Variants in INTS1 observed in about 807,000 individuals in gnomAD.
INTS1 encodes the protein integrator complex subunit 1.
A neutral mutation model predicts 241.6 loss-of-function variants in INTS1; 137 were observed. The ratio of observed to expected loss-of-function variants is 0.57; its 90% CI spans 0.49 to 0.65. INTS1 has a LOEUF of 0.65. Among genes scored for constraint, INTS1 ranks in the 30% least tolerant of loss-of-function variants. The pLI, the probability that INTS1 is intolerant of heterozygous loss-of-function variation, is 0.00. For missense variants in INTS1, 3,073 were observed against 3,032.2 expected, an observed-to-expected ratio of 1.01 and a Z score of -0.32; for synonymous variants, 1,692 against 1,337.8, an observed-to-expected ratio of 1.26 and a Z score of -5.78.
In INTS1 at chr7:1,499,140, G is replaced by T. The variant is rs764463716; in HGVS notation, c.972C>A (p.Ser324Arg). The change falls in exon 8 of 48, where the codon AGC becomes AGA. Residue 324 changes from serine (S) to arginine (R), a missense_variant. Ser to Arg is a moderately radical substitution (Grantham distance 110). Coordinates refer to ENST00000404767, the MANE Select transcript of INTS1 (RefSeq NM_001080453.3). ...LMPRYEELAE[S>R]VEEYVLDMLR... is the part of the protein sequence containing the mutation. ...GCATGTCCAGGACATACTCCTCCAC[G>T]CTCTCCGCGAGCTCTTCGTACCTAG... 2 of 1,610,786 alleles carry T rather than the reference G, an allele frequency of 1.2e-6. No homozygotes were observed. Among genetic ancestry groups the T allele is most frequent in the South Asian group, 2.2e-5 (2 of 91,010 alleles).
In INTS1 at chr7:1,504,282, C is replaced by A. The variant is rs34609419; in HGVS notation, c.-42+41G>T. 5.2e-3 allele frequency: 2,954 copies of A among 565,794 alleles called. 24 individuals carry two copies. The highest frequency in any genetic ancestry group is 9.3e-3 in the Middle Eastern group (22 of 2,358). 35.0% of individuals were successfully genotyped at this position (565,794 alleles called of 1,614,324 possible). On this transcript the variant is annotated intron_variant, in intron 1 of 47. Coordinates refer to ENST00000404767, the MANE Select transcript of INTS1 (RefSeq NM_001080453.3). ...GCGGTAGCCGGGAGAACCAGGCGCT[C>A]GCCCGGCAATGAGGAAGCGCCCAGG...
chr7:1,500,623 C>T (rs1583166009), intron 3 of INTS1, among the ~76,000 whole-genome samples: 2 of 152,248 alleles, frequency 1.3e-5, no homozygotes, highest in East Asian at 3.8e-4. Context: ...TCCCACACGA[C>T]TACCCCAAAG....
At chr7:1,494,005 C>CG (rs1190151145) in intron 14 of INTS1, 94 bp from the exon 15 acceptor site, 3 of 1,425,994 alleles carry the variant, frequency 2.1e-6, no homozygotes, top group Non-Finnish European at 2.8e-6. Context: ...TCAGAGCCCA[C>CG]GGGCTGGTGG....
chr7:1,474,865 G>C lies in INTS1; in HGVS notation c.5503-27C>G, dbSNP rs1057066447. The C allele has an allele frequency of 5.1e-6, 8 of 1,558,150 alleles. No individual in the cohort carries two copies. The Admixed American group carries it at 1.1e-4, about 22-fold the overall frequency. ...TGCAGGGAGGGGCGCTCTGAGGCCG[G>C]GGCCGCTGGCTCCCCTCACTTGCCC... On this transcript the variant is annotated intron_variant, in intron 39 of 47. Coordinates refer to ENST00000404767, the MANE Select transcript of INTS1 (RefSeq NM_001080453.3).
At chr7:1,491,848 T>C (rs1170091260) in intron 16 of INTS1, among the ~76,000 whole-genome samples, 1 of 152,154 alleles carries the variant, frequency 6.6e-6, no homozygotes, top group Non-Finnish European at 1.5e-5. Flanking sequence ...CAGTGAACCG[T>C]TGATTGTGCC....
intron 41 of INTS1, 36 bp from the exon 42 acceptor site, chr7:1,473,729 C>T (rs1781583043): frequency 6.2e-7 from 1 of 1,610,580 alleles, no homozygotes. Context: ...AGCTGCTCTG[C>T]CCCGCAGGGC....
chr7:1,498,055 T>A (rs56006366), intron 10 of INTS1, among the ~76,000 whole-genome samples: 81,617 of 151,974 alleles, frequency 0.54, 23,710 homozygotes, highest in African/African-American at 0.77. Flanking sequence ...CTCCACAAAA[T>A]TTTTAAAAAC....
Position 1,476,218 on chromosome 7 carries a change from G to A in INTS1, c.5378+11C>T. On this transcript the variant is annotated intron_variant, in intron 38 of 47. Coordinates refer to ENST00000404767, the MANE Select transcript of INTS1 (RefSeq NM_001080453.3). ...TCCCAGGCAGCATCTGGGGCCGGGG[G>A]GCCTGAGCACCTGTCTCCCCACTGC... The A allele has an allele frequency of 2.6e-6, 4 of 1,546,364 alleles. No homozygotes were observed. Among genetic ancestry groups the A allele is most frequent in the South Asian group, 1.2e-5 (1 of 84,048 alleles).
chr7:1,499,856 C>T (rs1219042731), intron 5 of INTS1, 28 bp downstream of exon 5: 9 of 1,602,462 alleles, frequency 5.6e-6, no homozygotes, highest in Non-Finnish European at 7.7e-6. Flanking sequence ...GCTCTGCCAT[C>T]TTCACCGTCC....
At position 1,470,371 on chromosome 7, in the gene INTS1, G is replaced by A; in HGVS notation, c.*206C>T. 2 of 514,362 alleles carry A rather than the reference G, an allele frequency of 3.9e-6. No individual in the cohort carries two copies. The highest frequency in any genetic ancestry group is 6.8e-6 in the Non-Finnish European group (2 of 293,342). 31.9% of individuals were successfully genotyped at this position (514,362 alleles called of 1,614,324 possible). A position where few individuals can be genotyped will look rare whatever the true frequency, so the allele number is the denominator to read the frequency against. ...GGCTGTGGCCCAGAAGGTGAATGAG[G>A]GCTTGCTGGACGGCCCCTGATGCCA... On this transcript the variant is annotated 3_prime_UTR_variant, in exon 48 of 48. Coordinates refer to ENST00000404767, the MANE Select transcript of INTS1 (RefSeq NM_001080453.3).
At chr7:1,485,791 A>C (rs1026927255) in intron 22 of INTS1, among the ~76,000 whole-genome samples, 2 of 152,210 alleles carry the variant, frequency 1.3e-5, no homozygotes, top group African/African-American at 4.8e-5. Context: ...GTCAGAGTGC[A>C]CTGAACACTC....
chr7:1,482,823 A>C, intron 26 of INTS1, 116 bp from the exon 27 acceptor site: 2 of 1,277,456 alleles, frequency 1.6e-6, no homozygotes, highest in Middle Eastern at 1.9e-4. Flanking sequence ...GAGACTTGGG[A>C]GGAGCACGGG....
chr7:1,479,538 C>A lies in INTS1; in HGVS notation c.4221G>T (p.Gln1407His). The change falls in exon 31 of 48, where the codon CAG becomes CAT. Residue 1407 changes from glutamine (Q) to histidine (H), a missense_variant. Transcript: ENST00000404767. ...GGGAGCTGAGCAGGGTGGCGAGGGCCTGCAGGACACGCACCGTGATGCCCG... is the reference window on the plus strand; with the variant it reads ...GGGAGCTGAGCAGGGTGGCGAGGGCATGCAGGACACGCACCGTGATGCCCG... ...EVPGITVRVL[Q>H]ALATLLSSPH... 6.4e-7 allele frequency: 1 copy of A among 1,560,510 alleles called. No individual in the cohort carries two copies. Among genetic ancestry groups the A allele is most frequent in the Non-Finnish European group, 8.7e-7 (1 of 1,154,122 alleles).
intron 45 of INTS1, 36 bp from the exon 46 acceptor site, chr7:1,471,260 G>T: frequency 6.5e-7 from 1 of 1,546,068 alleles, no homozygotes; most frequent in African/African-American, 1.4e-5. Context: ...TGTGACCAAG[G>T]GGTCCAGCCC....
intron 33 of INTS1, 67 bp downstream of exon 33, chr7:1,478,299 G>C: frequency 6.4e-7 from 1 of 1,563,124 alleles, no homozygotes; most frequent in African/African-American, 1.3e-5. Context: ...TGGGCAGCTA[G>C]AAGGAGCCTC....
chr7:1,481,095 C>A lies in INTS1; in HGVS notation c.3851-162G>T. ...TCAGTCAGCACTGAGGCCCCAACAG[C>A]TCCCTCCAAGCTCAAAACACGGCCC... On this transcript the variant is annotated intron_variant, in intron 28 of 47. Coordinates refer to ENST00000404767, the MANE Select transcript of INTS1 (RefSeq NM_001080453.3). The surrounding 1 kb of genome is among the most constrained non-coding windows in gnomAD (Gnocchi z 6.8). The A allele has an allele frequency of 1.4e-6, 1 of 689,742 alleles. No homozygotes were observed. The highest frequency in any genetic ancestry group is 2.5e-6 in the Non-Finnish European group (1 of 397,058). The allele number at this position is 689,742 out of a possible 1,614,324, so 42.7% of individuals were successfully genotyped here.
Position 1,481,125 on chromosome 7 carries a change from G to C in INTS1, c.3851-192C>G. The C allele has an allele frequency of 1.4e-6, 1 of 707,254 alleles. No individual in the cohort carries two copies. Among genetic ancestry groups the C allele is most frequent in the South Asian group, 1.7e-5 (1 of 58,908 alleles). 43.8% of individuals were successfully genotyped at this position (707,254 alleles called of 1,614,324 possible). On this transcript the variant is annotated intron_variant, in intron 28 of 47. Coordinates refer to ENST00000404767, the MANE Select transcript of INTS1 (RefSeq NM_001080453.3). This position sits in a 1 kb window ranked among gnomAD's most constrained non-coding sequence, Gnocchi z 6.8. ...TCCAAGCTCAAAACACGGCCCTAGG[G>C]GGTGCCTGGCCCCAGGGTTGGGGCA...
intron 14 of INTS1, 200 bp downstream of exon 14, chr7:1,494,616 A>T: frequency 1.6e-6 from 1 of 627,370 alleles, no homozygotes; most frequent in South Asian, 1.8e-5. Flanking sequence ...ACGGCAGCTG[A>T]ATCCCTACAG....
chr7:1,499,824 C>A lies in INTS1; in HGVS notation c.684+60G>T, dbSNP rs558706226. On this transcript the variant is annotated intron_variant, in intron 5 of 47. Transcript: ENST00000404767. ...AGAGAACACACTTCTGCTTTTCTCT[C>A]GCCCCTGCCCCACCCCGTGGCGCTC... 3 of 1,557,868 alleles carry A rather than the reference C, an allele frequency of 1.9e-6. No homozygotes were observed. In the East Asian group the frequency reaches 6.9e-5, roughly 36 times the overall value.
Sources: allele counts gnomAD v4.1 joint callset (sites outside exome capture counted in the v4.1 genomes callset), GRCh38; gene constraint gnomAD v4.1.1; non-coding constraint Gnocchi (gnomAD v3.1); transcripts MANE v1.5; gene names NCBI Gene and HGNC (gene_info 2026-07-23, HGNC 2026-07-21).